Variants in PRKN observed in about 807,000 individuals in gnomAD.
PRKN encodes the protein parkin RBR E3 ubiquitin protein ligase.
A neutral mutation model predicts 59.5 loss-of-function variants in PRKN; 56 were observed. The observed-to-expected ratio is 0.94, with a 90% CI of 0.76 to 1.18. The LOEUF is 1.18. Among genes scored for constraint, PRKN ranks in the 50% most tolerant of loss-of-function variants. The probability of loss-of-function intolerance (pLI) is 0.00; values close to 1 mark genes in which losing one functional copy is unlikely to be tolerated. For synonymous variants in PRKN, 250 were observed against 222.1 expected, an observed-to-expected ratio of 1.13 and a Z score of -1.12; for missense variants, 657 against 596.4, an observed-to-expected ratio of 1.10 and a Z score of -1.06.
chr6:161,692,947 C>CA (rs59954623), intron 7 of PRKN, among the ~76,000 whole-genome samples: 4,877 of 120,468 alleles, frequency 0.04, 226 homozygotes, highest in African/African-American at 0.12. Flanking sequence ...GACTCTGTCT[C>CA]AAAAAAAAAA....
intron 9 of PRKN, among the ~76,000 whole-genome samples, chr6:161,515,771 C>T (rs534114876): frequency 5.9e-5 from 9 of 152,272 alleles, no homozygotes; most frequent in Non-Finnish European, 1.0e-4. Flanking sequence ...CTCGACAGGT[C>T]TCAAGGTTCT....
chr6:161,539,376 C>A (rs149521371), intron 9 of PRKN, among the ~76,000 whole-genome samples: 28 of 143,880 alleles, frequency 1.9e-4, no homozygotes, highest in Non-Finnish European at 3.6e-4. Flanking sequence ...CTGACGCATT[C>A]CAGGTTTAAG....
chr6:162,505,793 G>C (rs1793583591), intron 1 of PRKN, among the ~76,000 whole-genome samples: 1 of 151,968 alleles, frequency 6.6e-6, no homozygotes. Context: ...CTGGAAAACT[G>C]TGAGTATTTG....
intron 1 of PRKN, among the ~76,000 whole-genome samples, chr6:162,713,983 G>A (rs1359318669): frequency 3.9e-5 from 6 of 152,232 alleles, no homozygotes; most frequent in East Asian, 1.9e-4. Flanking sequence ...ACTTGTCTCC[G>A]TAATTCAATA....
intron 6 of PRKN, among the ~76,000 whole-genome samples, chr6:161,852,749 G>A (rs1793492008): frequency 6.6e-6 from 1 of 152,168 alleles, no homozygotes; most frequent in Non-Finnish European, 1.5e-5. Flanking sequence ...TGGCTCTAAA[G>A]TGGTATGGAA....
At chr6:161,704,383 C>T (rs1040501749) in intron 7 of PRKN, among the ~76,000 whole-genome samples, 4 of 152,146 alleles carry the variant, frequency 2.6e-5, no homozygotes, top group South Asian at 2.1e-4. Context: ...TACTCTGACT[C>T]GTGCTGCCAT....
At chr6:161,672,978 C>A (rs550337497) in intron 7 of PRKN, among the ~76,000 whole-genome samples, 4 of 152,214 alleles carry the variant, frequency 2.6e-5, no homozygotes, top group South Asian at 4.1e-4. Context: ...CATGCACAAC[C>A]GAAAAGGATC....
intron 4 of PRKN, among the ~76,000 whole-genome samples, chr6:162,151,139 T>C (rs1782254686): frequency 6.6e-6 from 1 of 152,144 alleles, no homozygotes; most frequent in Non-Finnish European, 1.5e-5. Flanking sequence ...CTGAAGATGA[T>C]TCAGCAGATG....
At chr6:162,322,545 A>G (rs1783076024) in intron 2 of PRKN, among the ~76,000 whole-genome samples, 1 of 152,148 alleles carries the variant, frequency 6.6e-6, no homozygotes, top group Admixed American at 6.5e-5. Context: ...GTCTCATTGT[A>G]AAGCTACAGA....
At chr6:162,464,848 A>G (rs912514180) in intron 1 of PRKN, among the ~76,000 whole-genome samples, 7 of 151,432 alleles carry the variant, frequency 4.6e-5, no homozygotes, top group African/African-American at 1.2e-4. Flanking sequence ...AGAAGAAGAA[A>G]AAAAGAAAAA....
chr6:162,251,234 T>A (rs982344592), intron 3 of PRKN, among the ~76,000 whole-genome samples: 2 of 152,166 alleles, frequency 1.3e-5, no homozygotes, highest in South Asian at 4.1e-4. Context: ...TTTAGATGAA[T>A]GATCCAGACA....
chr6:162,145,693 CAT>C (rs926084578), intron 4 of PRKN, among the ~76,000 whole-genome samples: 4 of 152,134 alleles, frequency 2.6e-5, no homozygotes, highest in African/African-American at 9.7e-5. Flanking sequence ...AGAGGTTTCC[CAT>C]TGGCCACTTG....
At chr6:161,746,275 T>C (rs1445993716) in intron 7 of PRKN, among the ~76,000 whole-genome samples, 2 of 152,112 alleles carry the variant, frequency 1.3e-5, no homozygotes, top group Non-Finnish European at 2.9e-5. Flanking sequence ...CTTTTGTAGG[T>C]GTTCTTCAAG....
chr6:162,154,556 A>C (rs935344641), intron 4 of PRKN, among the ~76,000 whole-genome samples: 2 of 151,792 alleles, frequency 1.3e-5, no homozygotes, highest in Non-Finnish European at 2.9e-5. Flanking sequence ...AAATGAGATG[A>C]AGTGTGTTTA....
At chr6:161,464,417 T>C (rs1211220952) in intron 9 of PRKN, among the ~76,000 whole-genome samples, 1 of 152,232 alleles carries the variant, frequency 6.6e-6, no homozygotes, top group Non-Finnish European at 1.5e-5. Context: ...TCAGATTTTC[T>C]TTTTTAAAGA....
intron 1 of PRKN, among the ~76,000 whole-genome samples, chr6:162,710,065 G>T (rs1182831068): frequency 6.6e-6 from 1 of 152,058 alleles, no homozygotes; most frequent in Non-Finnish European, 1.5e-5. Context: ...AGACAATGTG[G>T]GTGTGGCTGC....
At chr6:161,702,005 T>C (rs1389226455) in intron 7 of PRKN, among the ~76,000 whole-genome samples, 1 of 152,220 alleles carries the variant, frequency 6.6e-6, no homozygotes, top group Non-Finnish European at 1.5e-5. Flanking sequence ...GCACTTTTAC[T>C]TAGCTTATTG....
At chr6:162,521,237 TCA>T (rs1778069662) in intron 1 of PRKN, among the ~76,000 whole-genome samples, 1 of 152,208 alleles carries the variant, frequency 6.6e-6, no homozygotes, top group Admixed American at 6.5e-5. Flanking sequence ...ATTAAACTCA[TCA>T]CATTTTCCAA....
chr6:161,720,199 A>G (rs1444001763), intron 7 of PRKN, among the ~76,000 whole-genome samples: 1 of 152,232 alleles, frequency 6.6e-6, no homozygotes. Flanking sequence ...ATAATAAAAA[A>G]CATTATCAAC....
Sources: allele counts gnomAD v4.1 joint callset (sites outside exome capture counted in the v4.1 genomes callset), GRCh38; gene constraint gnomAD v4.1.1; transcripts MANE v1.5; gene names NCBI Gene and HGNC (gene_info 2026-07-23, HGNC 2026-07-21).